CCDC144A: variants seen among roughly 807,000 people sequenced by gnomAD.
The protein encoded by CCDC144A is coiled-coil domain-containing protein 144A.
CCDC144A carries 41 observed loss-of-function variants against 143.8 expected under a neutral mutation model. That is an observed-to-expected ratio of 0.29 (90% CI 0.22 to 0.37). The LOEUF (loss-of-function observed/expected upper bound fraction) is 0.37, where lower values mean the gene tolerates loss of function less well. Ranked by LOEUF, CCDC144A falls within the 10% of genes least tolerant of loss-of-function variation. The pLI is 1.00. For synonymous variants in CCDC144A, 242 were observed against 517.9 expected, an observed-to-expected ratio of 0.47 and a Z score of 7.23; for missense variants, 637 against 1,488.8, an observed-to-expected ratio of 0.43 and a Z score of 9.41.
rs572765090 is a variant in CCDC144A at position 16,703,584 on chromosome 17, T to C, written c.416-1567T>C. On this transcript the variant is annotated intron_variant, in intron 2 of 16. Transcript: ENST00000399273. ...CTTTGGGAGGCCAAGGCGGGCGGATTACGAGGTCAGGAGATCGAGACCATC... is the reference window on the plus strand; with the variant it reads ...CTTTGGGAGGCCAAGGCGGGCGGATCACGAGGTCAGGAGATCGAGACCATC... 1.8e-3 allele frequency among the ~76,000 whole-genome samples: 276 copies of C among 152,088 alleles called. 1 individual carries two copies. Among genetic ancestry groups the C allele is most frequent in the East Asian group, 3.5e-3 (18 of 5,182 alleles).
the CCDC144A span, among the ~76,000 whole-genome samples, chr17:16,668,589 T>C: frequency 6.6e-6 from 1 of 152,236 alleles, no homozygotes; most frequent in Non-Finnish European, 1.5e-5. Flanking sequence ...TTTAATTTTT[T>C]AATTTTTTTA....
chr17:16,736,958 T>C lies in CCDC144A; in HGVS notation c.3372+1315T>C, dbSNP rs568517728. Among the ~76,000 whole-genome samples, 6 of 152,176 alleles carry C rather than the reference T, an allele frequency of 3.9e-5. No individual in the cohort carries two copies. In the East Asian group the frequency reaches 1.2e-3, roughly 29 times the overall value. On this transcript the variant is annotated intron_variant, in intron 12 of 16. Transcript: ENST00000399273. ...TCTTTTTGAGACTTCAGTAGGTTGT[T>C]AAGCACTGCAGATGTTTCAGGGAAG...
rs1828826146 is a variant in CCDC144A at position 16,709,508 on chromosome 17, AC to A, written c.1452del (p.Asp484GlufsTer26). 1 of 1,611,546 alleles carries A rather than the reference AC, an allele frequency of 6.2e-7. No individual in the cohort carries two copies. ...ENLSSLPPDS[D>X]RTSEVYLHEE... ...CTGAGTTCTTTACCACCAGATTCTG[AC>A]AGAACATCAGAAGTATATCTACATG... On this transcript the variant is annotated frameshift_variant, in exon 5 of 17. Coordinates refer to ENST00000399273, the MANE Select transcript of CCDC144A (RefSeq NM_001382000.1). LOFTEE classifies it high-confidence loss of function.
At chr17:16,730,048 A>T (rs1913666777) in intron 9 of CCDC144A, among the ~76,000 whole-genome samples, 1 of 132,406 alleles carries the variant, frequency 7.6e-6, no homozygotes, top group Non-Finnish European at 1.6e-5. Context: ...TATGTTGCCC[A>T]GGCTGGTCTC....
chr17:16,756,069 G>C (rs1441702288), intron 12 of CCDC144A, among the ~76,000 whole-genome samples: 3 of 152,344 alleles, frequency 2.0e-5, no homozygotes, highest in Non-Finnish European at 2.9e-5. Context: ...ATTTGACTCT[G>C]ATGTGCTGCA....
intron 8 of CCDC144A, among the ~76,000 whole-genome samples, chr17:16,723,374 T>A (rs1913205038): frequency 2.0e-5 from 3 of 152,076 alleles, no homozygotes; most frequent in Admixed American, 2.0e-4. Flanking sequence ...AATTTGCATC[T>A]TCTTTTTTAT....
At chr17:16,695,568 TG>T (rs1177237249) in intron 2 of CCDC144A, 1 of 151,828 alleles carries the variant, frequency 6.6e-6, no homozygotes, top group Non-Finnish European at 1.5e-5. Flanking sequence ...CCACTGCACT[TG>T]TGTCTGGGTA....
chr17:16,682,906 T>TTTTTTTTTTTA, the CCDC144A span, among the ~76,000 whole-genome samples: 1 of 123,730 alleles, frequency 8.1e-6, no homozygotes, highest in Non-Finnish European at 1.7e-5. Context: ...TTTTTTTTTT[T>TTTTTTTTTTTA]TTTTTTTTTT....
chr17:16,774,917 T>C lies in CCDC144A; in HGVS notation c.*1284T>C, dbSNP rs1423422665. 1.3e-5 allele frequency: 2 copies of C among 148,496 alleles called. No homozygotes were observed. The highest frequency in any genetic ancestry group is 6.6e-5 in the Admixed American group (1 of 15,076). 9.2% of individuals were successfully genotyped at this position (148,496 alleles called of 1,614,324 possible). ...TGTGTTGTTCCCCGCCATGTGTCCA[T>C]GTGTTCTCATTATTCAGCTCCCACT... On this transcript the variant is annotated 3_prime_UTR_variant, in exon 17 of 17. Transcript: ENST00000399273.
intron 12 of CCDC144A, among the ~76,000 whole-genome samples, chr17:16,740,199 C>G (rs1914196690): frequency 6.6e-6 from 1 of 152,048 alleles, no homozygotes; most frequent in Non-Finnish European, 1.5e-5. Context: ...GGAAATTGAG[C>G]TAATTCATCA....
At chr17:16,734,064 C>T (rs991300117) in intron 11 of CCDC144A, among the ~76,000 whole-genome samples, 14 of 150,304 alleles carry the variant, frequency 9.3e-5, no homozygotes, top group African/African-American at 2.7e-4. Context: ...CACCTGAGCC[C>T]GGGAGGCCAA....
chr17:16,674,970 T>C, the CCDC144A span, among the ~76,000 whole-genome samples: 1 of 151,924 alleles, frequency 6.6e-6, no homozygotes, highest in Non-Finnish European at 1.5e-5. Flanking sequence ...AATGTTACCA[T>C]TGAAATGGAT....
At chr17:16,689,263 T>A (rs1910906087), upstream of CCDC144A, among the ~76,000 whole-genome samples, 2 of 152,086 alleles carry the variant, frequency 1.3e-5, no homozygotes, top group African/African-American at 4.8e-5. Flanking sequence ...TGGCACGATA[T>A]CAGCTCACTG....
chr17:16,690,820 G>A, intron 1 of CCDC144A, 76 bp downstream of exon 1: 26 of 1,477,406 alleles, frequency 1.8e-5, no homozygotes, highest in Non-Finnish European at 2.3e-5. Context: ...CACGGCACCC[G>A]GGATGGGGAA....
chr17:16,731,581 C>G (rs558426602), intron 9 of CCDC144A: 1 of 141,638 alleles, frequency 7.1e-6, no homozygotes, highest in African/African-American at 2.7e-5. Context: ...CAGAAACTTA[C>G]CAGTTAATGG....
At chr17:16,746,174 C>G (rs1000217707) in intron 12 of CCDC144A, 1 of 1,531,650 alleles carries the variant, frequency 6.5e-7, no homozygotes, top group African/African-American at 1.4e-5. Flanking sequence ...CTTTTGGTTT[C>G]TCTGTGGTTG....
At chr17:16,736,391 C>T (rs183554876) in intron 12 of CCDC144A, among the ~76,000 whole-genome samples, 159 of 152,252 alleles carry the variant, frequency 1.0e-3, no homozygotes, top group African/African-American at 3.6e-3. Context: ...GGATTAGAGG[C>T]ATGAGCCACT....
chr17:16,675,216 C>T, the CCDC144A span, among the ~76,000 whole-genome samples: 1 of 150,266 alleles, frequency 6.7e-6, no homozygotes, highest in Non-Finnish European at 1.5e-5. Flanking sequence ...TTGCAGTAAG[C>T]CGAGATGGTG....
intron 4 of CCDC144A, among the ~76,000 whole-genome samples, chr17:16,708,005 C>T (rs1486819949): frequency 2.0e-5 from 3 of 152,032 alleles, no homozygotes; most frequent in East Asian, 1.9e-4. Flanking sequence ...ATTGACTTCA[C>T]GGTCTACATT....
Sources: allele counts gnomAD v4.1 joint callset (sites outside exome capture counted in the v4.1 genomes callset), GRCh38; gene constraint gnomAD v4.1.1; transcripts MANE v1.5; gene names NCBI Gene and HGNC (gene_info 2026-07-23, HGNC 2026-07-21).